CTNNA3: variants seen among roughly 807,000 people sequenced by gnomAD.
CTNNA3 encodes catenin alpha-3.
In CTNNA3, 76 loss-of-function variants were observed where a neutral mutation model predicts 95.7. The ratio of observed to expected loss-of-function variants is 0.79; its 90% CI spans 0.66 to 0.96. The LOEUF is 0.96. CTNNA3 is among the 40% of genes least tolerant of loss of function. The probability of loss-of-function intolerance (pLI) is 0.00; values close to 1 mark genes in which losing one functional copy is unlikely to be tolerated. For missense variants in CTNNA3, 1,191 were observed against 1,089.8 expected (o/e 1.09, Z -1.31); for synonymous variants, 431 against 374.4 (o/e 1.15, Z -1.74).
intron 7 of CTNNA3, among the ~76,000 whole-genome samples, chr10:66,858,875 A>G (rs552946536): frequency 1.1e-4 from 17 of 151,900 alleles, no homozygotes; most frequent in African/African-American, 4.1e-4. Context: ...TTCACGCCTC[A>G]ATTTCTTTCA....
At chr10:67,336,854 T>C (rs1353598608) in intron 5 of CTNNA3, among the ~76,000 whole-genome samples, 1 of 152,194 alleles carries the variant, frequency 6.6e-6, no homozygotes, top group African/African-American at 2.4e-5. Flanking sequence ...TGGCATGGTA[T>C]ACTGAATATT....
intron 1 of CTNNA3, among the ~76,000 whole-genome samples, chr10:67,650,747 G>A (rs999483438): frequency 6.6e-6 from 1 of 152,124 alleles, no homozygotes; most frequent in Non-Finnish European, 1.5e-5. Flanking sequence ...CCCTGTGCAC[G>A]TCTCTATTAC....
At chr10:67,260,745 C>T (rs552935840) in intron 5 of CTNNA3, among the ~76,000 whole-genome samples, 21 of 151,798 alleles carry the variant, frequency 1.4e-4, no homozygotes, top group African/African-American at 5.1e-4. Flanking sequence ...AGTGCAGTGG[C>T]TCAATCTCGG....
At chr10:67,722,349 C>G (rs1008917824) in intron 1 of CTNNA3, among the ~76,000 whole-genome samples, 3 of 152,024 alleles carry the variant, frequency 2.0e-5, no homozygotes, top group Admixed American at 1.3e-4. Context: ...AGTTTTTGTT[C>G]CCCTTTTTCT....
chr10:66,303,912 G>A (rs536980908), intron 12 of CTNNA3, among the ~76,000 whole-genome samples: 1 of 152,116 alleles, frequency 6.6e-6, no homozygotes, highest in South Asian at 2.1e-4. Flanking sequence ...AAACTTTAAA[G>A]GGCAATTTTT....
At chr10:67,716,423 C>A (rs955514712) in intron 1 of CTNNA3, among the ~76,000 whole-genome samples, 3 of 151,148 alleles carry the variant, frequency 2.0e-5, no homozygotes, top group African/African-American at 7.3e-5. Context: ...GCTGTACCCA[C>A]CAACCCATTA....
At chr10:66,754,466 T>A (rs1039644522) in intron 9 of CTNNA3, among the ~76,000 whole-genome samples, 3 of 152,108 alleles carry the variant, frequency 2.0e-5, no homozygotes, top group African/African-American at 4.8e-5. Context: ...AATGACTTCT[T>A]ATAAATGAAA....
At chr10:66,281,613 C>T (rs1373254003) in intron 12 of CTNNA3, among the ~76,000 whole-genome samples, 1 of 151,584 alleles carries the variant, frequency 6.6e-6, no homozygotes, top group African/African-American at 2.4e-5. Flanking sequence ...ATGAAGATGT[C>T]GGGTAAAAAG....
chr10:66,006,012 T>A (rs2078872180), intron 15 of CTNNA3, among the ~76,000 whole-genome samples: 1 of 147,374 alleles, frequency 6.8e-6, no homozygotes, highest in Non-Finnish European at 1.5e-5. Flanking sequence ...GGAAAGCCTT[T>A]TTTTTTTTTT....
intron 5 of CTNNA3, among the ~76,000 whole-genome samples, chr10:67,423,894 T>C (rs1428736334): frequency 6.6e-6 from 1 of 152,152 alleles, no homozygotes; most frequent in Non-Finnish European, 1.5e-5. Flanking sequence ...CGAAAGTGCC[T>C]CAAAATAATA....
At chr10:67,252,003 T>G (rs7101326) in intron 5 of CTNNA3, among the ~76,000 whole-genome samples, 48,035 of 151,696 alleles carry the variant, frequency 0.32, 13,490 homozygotes, top group African/African-American at 0.75. Context: ...TGAGGTCAGG[T>G]GTTTGAGACC....
chr10:66,113,192 AT>A lies in CTNNA3; in HGVS notation c.1885-9944del, dbSNP rs71035109. On this transcript the variant is annotated intron_variant, in intron 13 of 17. Transcript: ENST00000433211. ...GAAGTGTGAAGTGATATCTCATTGT[AT>A]TTTTTTTTTCATGTCCATGATGATT... Among the ~76,000 whole-genome samples, 70 of 149,082 alleles carry A rather than the reference AT, an allele frequency of 4.7e-4. No individual in the cohort carries two copies. The South Asian group carries it at 7.9e-3, about 17-fold the overall frequency.
At chr10:66,091,811 C>T (rs1019292673) in intron 14 of CTNNA3, among the ~76,000 whole-genome samples, 2 of 151,640 alleles carry the variant, frequency 1.3e-5, no homozygotes, top group Admixed American at 6.6e-5. Flanking sequence ...TGAAGGAAAA[C>T]AGACCTAAAG....
intron 5 of CTNNA3, among the ~76,000 whole-genome samples, chr10:67,232,581 A>G (rs1374802531): frequency 6.6e-6 from 1 of 152,120 alleles, no homozygotes; most frequent in Non-Finnish European, 1.5e-5. Flanking sequence ...GACCATCGAG[A>G]CTAGGAAAAA....
chr10:67,284,447 C>T (rs947727892), intron 5 of CTNNA3, among the ~76,000 whole-genome samples: 1 of 152,136 alleles, frequency 6.6e-6, no homozygotes, highest in African/African-American at 2.4e-5. Context: ...AAAGCAACAT[C>T]TTAGAAAGAA....
intron 13 of CTNNA3, among the ~76,000 whole-genome samples, chr10:66,269,293 A>C (rs2091226871): frequency 1.3e-5 from 2 of 152,212 alleles, no homozygotes; most frequent in African/African-American, 4.8e-5. Flanking sequence ...TTGTACTCTA[A>C]GAGTTAAATA....
At chr10:67,675,897 A>C (rs1840525967) in intron 1 of CTNNA3, among the ~76,000 whole-genome samples, 1 of 152,002 alleles carries the variant, frequency 6.6e-6, no homozygotes, top group Non-Finnish European at 1.5e-5. Flanking sequence ...TTTTTACTTT[A>C]TGGCTATGTT....
chr10:67,711,291 G>T (rs1431387303), intron 1 of CTNNA3, among the ~76,000 whole-genome samples: 2 of 152,200 alleles, frequency 1.3e-5, no homozygotes, highest in Non-Finnish European at 2.9e-5. Context: ...TGGGTAATAG[G>T]CAGAGGTTGG....
intron 5 of CTNNA3, among the ~76,000 whole-genome samples, chr10:67,467,257 T>C (rs1415142145): frequency 2.0e-5 from 3 of 152,252 alleles, no homozygotes; most frequent in Admixed American, 6.5e-5. Flanking sequence ...AGTCTGAGCA[T>C]GGCTAGTTAA....
Sources: allele counts gnomAD v4.1 joint callset (sites outside exome capture counted in the v4.1 genomes callset), GRCh38; gene constraint gnomAD v4.1.1; transcripts MANE v1.5; gene names NCBI Gene and HGNC (gene_info 2026-07-23, HGNC 2026-07-21).